BCR: variants seen among roughly 807,000 people sequenced by gnomAD.
BCR encodes the protein BCR activator of RhoGEF and GTPase, also known as breakpoint cluster region protein.
A neutral mutation model predicts 138.6 loss-of-function variants in BCR; 58 were observed. The observed-to-expected ratio is 0.42, with a 90% CI of 0.34 to 0.52. The LOEUF (loss-of-function observed/expected upper bound fraction) is 0.52. BCR is among the 20% of genes least tolerant of loss of function. The pLI is 0.06. For missense variants in BCR, 1,599 were observed against 1,727.2 expected (o/e 0.93, Z 1.32); for synonymous variants, 786 against 730.1 (o/e 1.08, Z -1.23).
At chr22:23,303,718 C>T (rs9612287) in intron 16 of BCR, among the ~76,000 whole-genome samples, 10 of 152,324 alleles carry the variant, frequency 6.6e-5, no homozygotes, top group Admixed American at 5.2e-4. Context: ...CCACGGGATT[C>T]TTCTTGAAGC....
intron 1 of BCR, among the ~76,000 whole-genome samples, chr22:23,202,725 G>GTT (rs2072569054): frequency 6.9e-6 from 1 of 144,098 alleles, no homozygotes; most frequent in African/African-American, 2.9e-5. Flanking sequence ...AATTGTTTGT[G>GTT]TGTGTGTGTG....
chr22:23,213,571 C>G (rs558373543), intron 1 of BCR, among the ~76,000 whole-genome samples: 7 of 152,274 alleles, frequency 4.6e-5, no homozygotes, highest in African/African-American at 1.7e-4. Context: ...GCCTGTAATC[C>G]CAGCTCTTTG....
chr22:23,199,554 GC>G (rs890353997), intron 1 of BCR, among the ~76,000 whole-genome samples: 1 of 152,226 alleles, frequency 6.6e-6, no homozygotes, highest in Non-Finnish European at 1.5e-5. Context: ...CAGAAAGCCA[GC>G]TAGGGGTCTG....
Position 23,303,307 on chromosome 22 carries a change from G to A in BCR, c.3013-6117G>A, listed in dbSNP as rs1028433346. On this transcript the variant is annotated intron_variant, in intron 16 of 22. Transcript: ENST00000305877. ...AAACATAAGCCAAAATAAAGATCAC[G>A]TCACAGGGGACGTGATGGGAGTCGG... is the stretch of plus-strand genomic sequence containing the variant. 9.8e-5 allele frequency among the ~76,000 whole-genome samples: 15 copies of A among 152,302 alleles called. No individual in the cohort carries two copies. In the East Asian group the frequency reaches 1.9e-3, roughly 20 times the overall value.
intron 1 of BCR, among the ~76,000 whole-genome samples, chr22:23,236,934 AG>A (rs140790261): frequency 0.016 from 2,493 of 152,266 alleles, 69 homozygotes; most frequent in African/African-American, 0.058. Flanking sequence ...TGTGGAGGCA[AG>A]AGTGTTGGGC....
intron 13 of BCR, 21 bp from the exon 14 acceptor site, chr22:23,290,318 C>T: frequency 6.2e-7 from 1 of 1,610,650 alleles, no homozygotes; most frequent in South Asian, 1.1e-5. Context: ...CAGAAGCTGA[C>T]CTCTTTGATC....
In BCR at chr22:23,277,501, T is replaced by C. The variant is rs2073591865; in HGVS notation, c.2115+3727T>C. ...AGATGTCCCTTTTAGCTCCGCACAC[T>C]ACCCCATCCCCTGCTGCTGCTGCTG... On this transcript the variant is annotated intron_variant, in intron 8 of 22. Transcript: ENST00000305877. Among the ~76,000 whole-genome samples, 5 of 152,066 alleles carry C rather than the reference T, an allele frequency of 3.3e-5. No individual in the cohort carries two copies. The Admixed American group carries it at 3.3e-4, about 10-fold the overall frequency.
intron 18 of BCR, among the ~76,000 whole-genome samples, chr22:23,310,791 C>G (rs2073998516): frequency 6.6e-6 from 1 of 152,218 alleles, no homozygotes; most frequent in Non-Finnish European, 1.5e-5. Context: ...GAGAGCAGTT[C>G]ATGCAGACAT....
Position 23,315,930 on chromosome 22 carries a change from T to C in BCR, c.*408T>C, listed in dbSNP as rs1022051440. On this transcript the variant is annotated 3_prime_UTR_variant, in exon 23 of 23. Coordinates refer to ENST00000305877, the MANE Select transcript of BCR (RefSeq NM_004327.4). ...ACTGGATTCCCTCACTGTTGTATCTTGAATAAACGCTGCTGCTTCATCCTG... is the reference window on the plus strand; with the variant it reads ...ACTGGATTCCCTCACTGTTGTATCTCGAATAAACGCTGCTGCTTCATCCTG... 1.5e-5 allele frequency: 6 copies of C among 396,260 alleles called. No homozygotes were observed. The highest frequency in any genetic ancestry group is 2.4e-5 in the Non-Finnish European group (5 of 209,380). 24.5% of individuals were successfully genotyped at this position (396,260 alleles called of 1,614,324 possible). A position where few individuals can be genotyped will look rare whatever the true frequency, so the allele number is the denominator to read the frequency against.
chr22:23,285,680 C>T (rs2073703569), intron 10 of BCR, among the ~76,000 whole-genome samples: 1 of 152,142 alleles, frequency 6.6e-6, no homozygotes, highest in South Asian at 2.1e-4. Context: ...GCAAACACCT[C>T]CTAGTTTTTC....
intron 8 of BCR, among the ~76,000 whole-genome samples, chr22:23,277,249 C>T (rs1259278287): frequency 2.0e-5 from 3 of 152,202 alleles, no homozygotes; most frequent in Non-Finnish European, 4.4e-5. Flanking sequence ...CAGAGGTGAT[C>T]TCCCTTTTAC....
intron 1 of BCR, among the ~76,000 whole-genome samples, chr22:23,202,747 GTATA>G (rs200927033): frequency 0.02 from 2,954 of 145,210 alleles, 92 homozygotes; most frequent in African/African-American, 0.072. Context: ...GTGTGTGTGT[GTATA>G]TATATATATA....
intron 20 of BCR, among the ~76,000 whole-genome samples, chr22:23,313,380 ATGACC>A (rs1343050474): frequency 2.6e-5 from 4 of 152,214 alleles, no homozygotes; most frequent in Non-Finnish European, 5.9e-5. Flanking sequence ...GGTTTCAAAC[ATGACC>A]TGACCCTTAG....
chr22:23,190,961 C>T (rs2072405479), intron 1 of BCR, among the ~76,000 whole-genome samples: 1 of 151,902 alleles, frequency 6.6e-6, no homozygotes, highest in Non-Finnish European at 1.5e-5. Context: ...GATAAAGGGT[C>T]TCGCTCTGTT....
In BCR at chr22:23,313,974, C is replaced by T. The variant is rs777236849; in HGVS notation, c.3464C>T (p.Ser1155Leu). 1 of 1,613,752 alleles carries T rather than the reference C, an allele frequency of 6.2e-7. No individual in the cohort carries two copies. Among genetic ancestry groups the T allele is most frequent in the African/African-American group, 1.3e-5 (1 of 74,916 alleles). ...YPNFAEGIAL[S>L]DPVAKESCML... ...AACCCACCGCCTTCTGCAGCTCTTTCAGACCCGGTTGCAAAGGAGAGCTGC... is the reference window on the plus strand; with the variant it reads ...AACCCACCGCCTTCTGCAGCTCTTTTAGACCCGGTTGCAAAGGAGAGCTGC... Residue 1155 changes from serine to leucine, a missense_variant, in exon 21 of 23, where the codon TCA becomes TTA. This residue lies in a region of BCR where 177 missense variants were observed against 226.4 expected (regional missense o/e 0.78). Transcript: ENST00000305877.
intron 1 of BCR, among the ~76,000 whole-genome samples, chr22:23,213,835 T>TAA (rs376154209): frequency 2.9e-5 from 4 of 136,158 alleles, no homozygotes; most frequent in African/African-American, 2.8e-5. Context: ...CCCTGTCTCT[T>TAA]AAAAAAAAAA....
At chr22:23,255,474 T>C (rs2073282546) in intron 2 of BCR, among the ~76,000 whole-genome samples, 1 of 152,214 alleles carries the variant, frequency 6.6e-6, no homozygotes, top group Non-Finnish European at 1.5e-5. Context: ...TCTTTCTTGG[T>C]GCACCCCTTT....
At chr22:23,273,044 A>G (rs1338394702) in intron 6 of BCR, 37 bp from the exon 7 acceptor site, 5 of 1,607,122 alleles carry the variant, frequency 3.1e-6, no homozygotes, top group South Asian at 1.1e-5. Flanking sequence ...GTGCTTCTCC[A>G]TGTGCAACCT....
Position 23,182,060 on chromosome 22 carries a change from G to C in BCR, c.1100G>C (p.Ser367Thr). ...ACCTACCGCATGTTCCGGGACAAAA[G>C]CCGCTCTCCCTCGCAGAACTCGCAA... ...PTTYRMFRDK[S>T]RSPSQNSQQS... The change falls in exon 1 of 23, where the codon AGC becomes ACC. Residue 367 changes from serine (S) to threonine (T), a missense_variant. By Grantham distance (58) the Ser-to-Thr change is moderately conservative. Coordinates refer to ENST00000305877, the MANE Select transcript of BCR (RefSeq NM_004327.4). The C allele has an allele frequency of 6.2e-7, 1 of 1,613,594 alleles. No individual in the cohort carries two copies. Among genetic ancestry groups the C allele is most frequent in the South Asian group, 1.1e-5 (1 of 91,080 alleles).
Sources: gnomAD v4.1 joint callset for allele counts (sites outside exome capture counted in the v4.1 genomes callset) on GRCh38, gnomAD v4.1.1 for gene constraint, gnomAD v4.1.1 regional missense constraint, MANE v1.5 for transcripts, NCBI Gene and HGNC (gene_info 2026-07-23, HGNC 2026-07-21) for gene names.